The following ASAP3 variants were observed in gnomAD, a reference collection of about 807,000 sequenced individuals.
ASAP3 encodes the protein arf-GAP with SH3 domain, ANK repeat and PH domain-containing protein 3.
Under a neutral mutation model 118.2 loss-of-function variants are expected in ASAP3, and 85 were observed. That is an observed-to-expected ratio of 0.72 (90% confidence interval 0.60 to 0.86). The LOEUF is 0.86. ASAP3 is among the 40% of genes least tolerant of loss of function. The pLI, the probability that ASAP3 is intolerant of heterozygous loss-of-function variation, is 0.00. For missense variants in ASAP3, 1,026 were observed against 1,175.0 expected, an observed-to-expected ratio of 0.87 and a Z score of 1.85; for synonymous variants, 432 against 477.4, an observed-to-expected ratio of 0.90 and a Z score of 1.24.
intron 1 of ASAP3, among the ~76,000 whole-genome samples, chr1:23,483,782 A>AT: frequency 6.6e-6 from 1 of 152,296 alleles, no homozygotes; most frequent in South Asian, 2.1e-4. Context: ...GGAGTTTGTC[A>AT]TCGAAGAGAC....
chr1:23,456,985 T>A (rs1376190239), intron 1 of ASAP3, among the ~76,000 whole-genome samples: 1 of 152,188 alleles, frequency 6.6e-6, no homozygotes, highest in Non-Finnish European at 1.5e-5. Context: ...AAGTCTCACA[T>A]GCCCCAAGCA....
In ASAP3 at chr1:23,433,135, C is replaced by A. The variant is rs1238161061; in HGVS notation, c.2265G>T (p.Leu755Phe). 3 of 1,614,018 alleles carry A rather than the reference C, an allele frequency of 1.9e-6. No homozygotes were observed. In the African/African-American group the frequency reaches 4.0e-5, roughly 22 times the overall value. The change falls in exon 22 of 25, where the codon TTG becomes TTT. Residue 755 changes from leucine (L) to phenylalanine (F), a missense_variant. Transcript: ENST00000336689. ...QGESEDCPPP[L>F]PVKNSSRTLV... ...AAGTCCGAGAAGAGTTTTTGACTGG[C>A]AAGGGCGGGGGACAGTCCTCACTCT...
At chr1:23,431,954 C>T (rs1440929663) in intron 22 of ASAP3, 36 bp from the exon 23 acceptor site, 1 of 1,567,694 alleles carries the variant, frequency 6.4e-7, no homozygotes, top group Non-Finnish European at 8.7e-7. Context: ...TAAAGCTTTT[C>T]TTTATCACTT....
chr1:23,450,954 G>T (rs561992225), intron 5 of ASAP3, among the ~76,000 whole-genome samples: 1 of 152,256 alleles, frequency 6.6e-6, no homozygotes, highest in East Asian at 1.9e-4. Context: ...GAGAGATCTG[G>T]AGTATCGTGT....
In ASAP3 at chr1:23,444,342, G is replaced by A. The variant is rs191020147; in HGVS notation, c.474-1730C>T. On this transcript the variant is annotated intron_variant, in intron 5 of 24. Coordinates refer to ENST00000336689, the MANE Select transcript of ASAP3 (RefSeq NM_017707.4). ...CCAGCAGACTACCCACTCACAGCCA[G>A]GAGAGTATTTCCACATCTCAGGCTG... Among the ~76,000 whole-genome samples the A allele has an allele frequency of 5.8e-4, 89 of 152,330 alleles. 1 individual carries two copies. The highest frequency in any genetic ancestry group is 2.1e-3 in the African/African-American group (86 of 41,576).
rs1250908874 is a variant in ASAP3 at position 23,428,889 on chromosome 1, G to A, written c.*967C>T. The A allele has an allele frequency of 6.5e-6, 1 of 154,818 alleles. No individual in the cohort carries two copies. Among genetic ancestry groups the A allele is most frequent in the Non-Finnish European group, 1.5e-5 (1 of 68,228 alleles). 9.6% of individuals were successfully genotyped at this position (154,818 alleles called of 1,614,324 possible). On this transcript the variant is annotated 3_prime_UTR_variant, in exon 25 of 25. Transcript: ENST00000336689. ...ATGATAGAATTTCTAGGGCTGGGAA[G>A]CAGAACCCTTAAGTCTCTGCCCTCC...
intron 1 of ASAP3, among the ~76,000 whole-genome samples, chr1:23,474,843 A>G (rs1642075549): frequency 6.6e-6 from 1 of 152,154 alleles, no homozygotes; most frequent in African/African-American, 2.4e-5. Context: ...TCAGCCTCCC[A>G]AAGTGCTGGG....
chr1:23,434,620 T>C lies in ASAP3; in HGVS notation c.1750-2A>G. ...ATGCAAGACGAGTTCTTCAGGTGCC[T>C]GAAAACACATCCACACCTCTGAGAT... On this transcript the variant is annotated splice_acceptor_variant, in intron 17 of 24. Coordinates refer to ENST00000336689, the MANE Select transcript of ASAP3 (RefSeq NM_017707.4). LOFTEE classifies it high-confidence loss of function. 6.2e-7 allele frequency: 1 copy of C among 1,613,508 alleles called. No homozygotes were observed. Among genetic ancestry groups the C allele is most frequent in the Non-Finnish European group, 8.5e-7 (1 of 1,179,838 alleles).
At chr1:23,435,322 CCCAG>C (rs1007644933) in intron 17 of ASAP3, among the ~76,000 whole-genome samples, 2 of 152,244 alleles carry the variant, frequency 1.3e-5, no homozygotes, top group African/African-American at 4.8e-5. Flanking sequence ...AGCCACCACA[CCCAG>C]CCAACATCCA....
Position 23,429,807 on chromosome 1 carries a change from G to A in ASAP3, c.*49C>T. ...CCCAGTTTTGTGAGCTCAAGTCCCA[G>A]CTCTGAACATTGGGGCCTAGCATGG... is the stretch of plus-strand genomic sequence containing the variant. On this transcript the variant is annotated 3_prime_UTR_variant, in exon 25 of 25. Transcript: ENST00000336689. 2.5e-6 allele frequency: 4 copies of A among 1,580,208 alleles called. No individual in the cohort carries two copies. The highest frequency in any genetic ancestry group is 2.2e-5 in the East Asian group (1 of 44,518).
chr1:23,457,701 CG>C (rs1165650275), intron 1 of ASAP3, among the ~76,000 whole-genome samples: 1 of 152,092 alleles, frequency 6.6e-6, no homozygotes, highest in Admixed American at 6.6e-5. Flanking sequence ...TTAGTAGAGA[CG>C]GGGTTTCATT....
At position 23,434,538 on chromosome 1, in the gene ASAP3, C is replaced by T; in HGVS notation, c.1830G>A (p.Gln610=). 6.2e-7 allele frequency: 1 copy of T among 1,614,130 alleles called. No individual in the cohort carries two copies. The highest frequency in any genetic ancestry group is 8.5e-7 in the Non-Finnish European group (1 of 1,180,012). The part of the protein sequence containing the change: ...ASLPLVDFII[Q]NGGHLDAKAA... ...ACAGGCAGGGAGGCTCTCACCCGTT[C>T]TGGATGATGAAATCCACCAGAGGCA... is the stretch of plus-strand genomic sequence containing the variant. Residue 610 remains glutamine, a synonymous_variant, in exon 18 of 25, where the codon CAG becomes CAA. Transcript: ENST00000336689.
In ASAP3 at chr1:23,433,103, T is replaced by C. The variant is rs1446542381; in HGVS notation, c.2297A>G (p.Gln766Arg). The stretch of plus-strand genomic sequence containing the variant: ...TCCACTGGCATGTCTTGCACACCCT[T>C]GGACCAAAGTCCGAGAAGAGTTTTT... ...PVKNSSRTLV[Q>R]GCARHASGDR... Residue 766 changes from glutamine to arginine, a missense_variant, in exon 22 of 25, where the codon CAA becomes CGA. Transcript: ENST00000336689. 2.7e-5 allele frequency: 43 copies of C among 1,614,020 alleles called. No homozygotes were observed. In the Admixed American group the frequency reaches 6.5e-4, roughly 24 times the overall value.
chr1:23,471,514 T>C (rs1641960421), intron 1 of ASAP3, among the ~76,000 whole-genome samples: 1 of 152,158 alleles, frequency 6.6e-6, no homozygotes, highest in Non-Finnish European at 1.5e-5. Flanking sequence ...GTGGAATGAA[T>C]GAATGATTAA....
chr1:23,439,203 C>T lies in ASAP3; in HGVS notation c.972G>A (p.Lys324=), dbSNP rs552065898. 1.2e-6 allele frequency: 2 copies of T among 1,614,140 alleles called. No homozygotes were observed. The highest frequency in any genetic ancestry group is 1.7e-6 in the Non-Finnish European group (2 of 1,180,024). The stretch of plus-strand genomic sequence containing the variant: ...TCAGGCAGCCATACTTGACTCCACA[C>T]TTCCTTTTCTGCCAGACTCTTCGAA... The part of the protein sequence containing the change: ...DGIRRVWQKR[K]CGVKYGCLTI... The change falls in exon 11 of 25, where the codon AAG becomes AAA. Residue 324 remains lysine (K), a synonymous_variant. Coordinates refer to ENST00000336689, the MANE Select transcript of ASAP3 (RefSeq NM_017707.4).
rs962232766 is a variant in ASAP3 at position 23,436,109 on chromosome 1, A to C, written c.1572-81T>G. On this transcript the variant is annotated intron_variant, in intron 16 of 24. Transcript: ENST00000336689. The surrounding 1 kb of genome is among the most constrained non-coding windows in gnomAD (Gnocchi z 4.2). ...CCTGGGGCCCTCCCACAGGAGATACAGCTCTCTTTTTCTCCAGAACCATGT... is the reference window on the plus strand; with the variant it reads ...CCTGGGGCCCTCCCACAGGAGATACCGCTCTCTTTTTCTCCAGAACCATGT... The C allele has an allele frequency of 4.9e-5, 73 of 1,479,266 alleles. No homozygotes were observed. Among genetic ancestry groups the C allele is most frequent in the Non-Finnish European group, 6.6e-5 (70 of 1,066,794 alleles). The allele number at this position is 1,479,266 out of a possible 1,614,324, so 91.6% of individuals were successfully genotyped here.
At chr1:23,483,456 G>A (rs535222690) in intron 1 of ASAP3, among the ~76,000 whole-genome samples, 4 of 152,298 alleles carry the variant, frequency 2.6e-5, no homozygotes, top group South Asian at 2.1e-4. Context: ...GAGGGGAGGG[G>A]AGAGGAGACG....
At chr1:23,449,290 C>T (rs1641139718) in intron 5 of ASAP3, among the ~76,000 whole-genome samples, 1 of 152,132 alleles carries the variant, frequency 6.6e-6, no homozygotes, top group South Asian at 2.1e-4. Context: ...GCTTATTCAT[C>T]GCCGCATTGA....
intron 3 of ASAP3, among the ~76,000 whole-genome samples, 169 bp from the exon 4 acceptor site, chr1:23,452,940 T>C (rs369896579): frequency 7.9e-5 from 12 of 151,690 alleles, no homozygotes; most frequent in East Asian, 5.8e-4. Context: ...GGGACCGTCA[T>C]GGCAGGAGTG....
Sources: allele counts gnomAD v4.1 joint callset (sites outside exome capture counted in the v4.1 genomes callset), GRCh38; gene constraint gnomAD v4.1.1; non-coding constraint Gnocchi (gnomAD v3.1); transcripts MANE v1.5; gene names NCBI Gene and HGNC (gene_info 2026-07-23, HGNC 2026-07-21).